ITPR2: variants seen among roughly 807,000 people sequenced by gnomAD.
ITPR2 encodes the protein inositol 1,4,5-trisphosphate receptor type 2.
ITPR2 carries 207 observed loss-of-function variants against 317.1 expected under a neutral mutation model. The observed-to-expected ratio is 0.65, with a 90% CI of 0.58 to 0.73. The LOEUF is 0.73. ITPR2 is among the 30% of genes least tolerant of loss of function. The probability of loss-of-function intolerance (pLI) is 0.00; values close to 1 mark genes in which losing one functional copy is unlikely to be tolerated. For missense variants in ITPR2, 2,613 were observed against 3,284.0 expected, an observed-to-expected ratio of 0.80 and a Z score of 4.99; for synonymous variants, 1,156 against 1,149.1, an observed-to-expected ratio of 1.01 and a Z score of -0.12.
chr12:26,689,074 T>C (rs1327013272), intron 10 of ITPR2, among the ~76,000 whole-genome samples: 2 of 152,288 alleles, frequency 1.3e-5, no homozygotes, highest in East Asian at 3.9e-4. Flanking sequence ...TTACTATACA[T>C]ATGTGTATCA....
intron 21 of ITPR2, among the ~76,000 whole-genome samples, chr12:26,639,767 A>G (rs1946943268): frequency 6.6e-6 from 1 of 151,826 alleles, no homozygotes; most frequent in African/African-American, 2.4e-5. Flanking sequence ...GATGGTTTCC[A>G]GCTTCATCCA....
At chr12:26,390,769 A>G (rs1418897663) in intron 54 of ITPR2, among the ~76,000 whole-genome samples, 4 of 152,150 alleles carry the variant, frequency 2.6e-5, no homozygotes, top group African/African-American at 9.7e-5. Context: ...AGCTATTAAC[A>G]ACAACAACAA....
intron 2 of ITPR2, among the ~76,000 whole-genome samples, chr12:26,758,328 G>A (rs1949564672): frequency 6.6e-6 from 1 of 152,096 alleles, no homozygotes; most frequent in South Asian, 2.1e-4. Flanking sequence ...ATACTACCTA[G>A]TACATAATAG....
At chr12:26,481,045 T>C (rs1244978879) in intron 43 of ITPR2, 86 bp downstream of exon 43, 9 of 712,738 alleles carry the variant, frequency 1.3e-5, no homozygotes, top group African/African-American at 9.0e-5. Flanking sequence ...GTTGAAAACA[T>C]GATAATATGC....
chr12:26,694,693 A>T (rs1467009128), intron 10 of ITPR2, among the ~76,000 whole-genome samples: 1 of 152,218 alleles, frequency 6.6e-6, no homozygotes, highest in Non-Finnish European at 1.5e-5. Flanking sequence ...TAAATCATAC[A>T]AAAGTAAGAA....
At chr12:26,725,865 T>A (rs1046075282) in intron 2 of ITPR2, 100 bp from the exon 3 acceptor site, 1 of 748,720 alleles carries the variant, frequency 1.3e-6, no homozygotes, top group Non-Finnish European at 2.3e-6. Flanking sequence ...TCCCTGATTA[T>A]ACAGAACAGT....
intron 32 of ITPR2, among the ~76,000 whole-genome samples, chr12:26,594,331 G>C (rs946833267): frequency 4.0e-5 from 6 of 151,896 alleles, no homozygotes; most frequent in African/African-American, 1.5e-4. Context: ...AATAACGTAT[G>C]ATTCATTGTA....
At chr12:26,457,088 C>A (rs1271470273) in intron 45 of ITPR2, among the ~76,000 whole-genome samples, 1 of 152,184 alleles carries the variant, frequency 6.6e-6, no homozygotes, top group Non-Finnish European at 1.5e-5. Flanking sequence ...CTAGAGCTGA[C>A]TTTCTGTTGG....
intron 30 of ITPR2, 33 bp downstream of exon 30, chr12:26,599,112 G>A (rs369518445): frequency 1.3e-6 from 2 of 1,576,700 alleles, no homozygotes; most frequent in Non-Finnish European, 1.7e-6. Flanking sequence ...TACTGTTTAG[G>A]TGAAGCTGAT....
At chr12:26,828,256 A>G (rs1026927840) in intron 1 of ITPR2, among the ~76,000 whole-genome samples, 2 of 97,826 alleles carry the variant, frequency 2.0e-5, no homozygotes, top group South Asian at 2.8e-4. Flanking sequence ...TGACCCCACA[A>G]CAAGACAATG....
chr12:26,573,189 A>G (rs1250275223), intron 34 of ITPR2, among the ~76,000 whole-genome samples: 1 of 152,018 alleles, frequency 6.6e-6, no homozygotes, highest in Non-Finnish European at 1.5e-5. Flanking sequence ...TGCCCAGCTA[A>G]TTTTGTTTTT....
At chr12:26,709,477 T>C (rs1948609331) in intron 9 of ITPR2, among the ~76,000 whole-genome samples, 1 of 152,224 alleles carries the variant, frequency 6.6e-6, no homozygotes, top group South Asian at 2.1e-4. Context: ...TACTTCTCCA[T>C]TTTTAATTAA....
chr12:26,578,712 C>T lies in ITPR2; in HGVS notation c.4630+1G>A. 3.8e-6 allele frequency: 6 copies of T among 1,596,870 alleles called. No individual in the cohort carries two copies. Among genetic ancestry groups the T allele is most frequent in the Non-Finnish European group, 4.3e-6 (5 of 1,168,104 alleles). ...TAAGTAAAACTCAAACTATGACTTA[C>T]CCACTTCAGCCAAAGTTCTGATACA... is the stretch of plus-strand genomic sequence containing the variant. On this transcript the variant is annotated splice_donor_variant, in intron 34 of 56. Transcript: ENST00000381340. LOFTEE classifies it high-confidence loss of function.
At chr12:26,715,729 T>C (rs1258703717) in intron 7 of ITPR2, 23 bp downstream of exon 7, 3 of 1,403,434 alleles carry the variant, frequency 2.1e-6, no homozygotes, top group East Asian at 2.3e-5. Context: ...TCCCAGCAAA[T>C]GTCCTGTGTA....
intron 26 of ITPR2, among the ~76,000 whole-genome samples, chr12:26,619,197 A>G (rs923098729): frequency 2.0e-5 from 3 of 152,214 alleles, no homozygotes; most frequent in Admixed American, 2.0e-4. Context: ...GGAGGTGATT[A>G]TCCCTACAAT....
chr12:26,405,139 A>C (rs947041423), intron 52 of ITPR2, among the ~76,000 whole-genome samples: 68 of 152,218 alleles, frequency 4.5e-4, no homozygotes, highest in Admixed American at 8.5e-4. Context: ...TGTCTCAAAA[A>C]AAAAAAAAGA....
At chr12:26,525,140 A>C (rs1565580344) in intron 37 of ITPR2, among the ~76,000 whole-genome samples, 1 of 152,180 alleles carries the variant, frequency 6.6e-6, no homozygotes, top group Non-Finnish European at 1.5e-5. Context: ...AAATTTCCAA[A>C]GATTTTACTG....
At chr12:26,646,346 C>T (rs779488979) in intron 21 of ITPR2, among the ~76,000 whole-genome samples, 1 of 151,878 alleles carries the variant, frequency 6.6e-6, no homozygotes, top group Non-Finnish European at 1.5e-5. Flanking sequence ...TGTTTCTGCC[C>T]CGCCCCTCTC....
chr12:26,565,156 T>C (rs1944917302), intron 34 of ITPR2, among the ~76,000 whole-genome samples: 1 of 152,082 alleles, frequency 6.6e-6, no homozygotes, highest in Non-Finnish European at 1.5e-5. Flanking sequence ...GAACCCCCTA[T>C]GAAAAAATTA....
Sources: gnomAD v4.1 joint callset for allele counts (sites outside exome capture counted in the v4.1 genomes callset) on GRCh38, gnomAD v4.1.1 for gene constraint, MANE v1.5 for transcripts, NCBI Gene and HGNC (gene_info 2026-07-23, HGNC 2026-07-21) for gene names.